Variants in RPS6KA2 observed in about 807,000 individuals in gnomAD.
RPS6KA2 encodes ribosomal protein S6 kinase A2, also known as ribosomal protein S6 kinase alpha-2.
A neutral mutation model predicts 91.8 loss-of-function variants in RPS6KA2; 42 were observed. The ratio of observed to expected loss-of-function variants is 0.46; its 90% CI spans 0.36 to 0.59. The LOEUF (loss-of-function observed/expected upper bound fraction) is 0.59. Ranked by LOEUF, RPS6KA2 falls within the 20% of genes least tolerant of loss-of-function variation. The pLI is 0.00. For synonymous variants in RPS6KA2, 414 were observed against 393.6 expected (o/e 1.05, Z -0.61); for missense variants, 798 against 978.5 (o/e 0.82, Z 2.46).
At position 166,533,802 on chromosome 6, in the gene RPS6KA2, G is replaced by A. The variant is rs1161950037; in HGVS notation, c.217-2489C>T. On this transcript the variant is annotated intron_variant, in intron 2 of 20. Transcript: ENST00000265678. The surrounding 1 kb of genome is among the most constrained non-coding windows in gnomAD (Gnocchi z 4.0). ...CATTCTTATAATCAGAAAACAAAGG[G>A]CCAGGTTCAGTGGCTCACACCTGTA... Among the ~76,000 whole-genome samples the A allele has an allele frequency of 6.6e-6, 1 of 152,182 alleles. No individual in the cohort carries two copies. Among genetic ancestry groups the A allele is most frequent in the East Asian group, 1.9e-4 (1 of 5,196 alleles).
rs906556452 is a variant in RPS6KA2 at position 166,662,486 on chromosome 6, A to G, written c.124-123702T>C. Among the ~76,000 whole-genome samples, 1 of 152,194 alleles carries G rather than the reference A, an allele frequency of 6.6e-6. No homozygotes were observed. Among genetic ancestry groups the G allele is most frequent in the Non-Finnish European group, 1.5e-5 (1 of 68,038 alleles). Reference sequence around the variant, plus strand: ...CTTGCAAATCCAATGCCTATGTTACAGGAGTGCAGTTTTATGTTTGGAAAG... The same window carrying G: ...CTTGCAAATCCAATGCCTATGTTACGGGAGTGCAGTTTTATGTTTGGAAAG... On this transcript the variant is annotated intron_variant, in intron 2 of 21. Transcript: ENST00000503859. The surrounding 1 kb of genome is among the most constrained non-coding windows in gnomAD (Gnocchi z 4.3).
intron 2 of RPS6KA2, among the ~76,000 whole-genome samples, chr6:166,744,190 C>T (rs947175919): frequency 6.6e-6 from 1 of 152,252 alleles, no homozygotes; most frequent in Non-Finnish European, 1.5e-5. Flanking sequence ...ATTCCATCCA[C>T]CGACCTGGAT....
At chr6:166,653,221 C>T (rs943240543) in intron 2 of RPS6KA2, among the ~76,000 whole-genome samples, 6 of 152,244 alleles carry the variant, frequency 3.9e-5, no homozygotes, top group Admixed American at 2.0e-4. Context: ...CCACCATGCC[C>T]GACTAATTTT....
chr6:166,586,175 G>A, intron 1 of RPS6KA2: 2 of 1,571,820 alleles, frequency 1.3e-6, no homozygotes, highest in South Asian at 1.1e-5. Context: ...CATATTGCTG[G>A]GGATAGTAAG....
rs1778289061 is a variant in RPS6KA2, at chr6:166,411,196, G to C, written c.*1566C>G. On this transcript the variant is annotated 3_prime_UTR_variant, in exon 21 of 21. Transcript: ENST00000265678. This position sits in a 1 kb window ranked among gnomAD's most constrained non-coding sequence, Gnocchi z 4.5. ...GACCAAGCTAAGGAGTTATTTTTCA[G>C]AACGCAGCACATTTTTTCTTTATTT... 6.6e-6 allele frequency: 1 copy of C among 151,646 alleles called. No homozygotes were observed. The highest frequency in any genetic ancestry group is 2.4e-5 in the African/African-American group (1 of 41,184). 9.4% of individuals were successfully genotyped at this position (151,646 alleles called of 1,614,324 possible).
At chr6:166,512,866 C>T (rs1431178730) in intron 3 of RPS6KA2, among the ~76,000 whole-genome samples, 2 of 152,188 alleles carry the variant, frequency 1.3e-5, no homozygotes, top group Admixed American at 1.3e-4. Flanking sequence ...ATTATATGCT[C>T]AGATCCCCTT....
intron 2 of RPS6KA2, among the ~76,000 whole-genome samples, chr6:166,655,411 T>C (rs919902352): frequency 6.6e-6 from 1 of 152,226 alleles, no homozygotes; most frequent in Non-Finnish European, 1.5e-5. Context: ...AATGATGTCA[T>C]GTGTGCAAAG....
At chr6:166,472,853 G>A (rs1780822418) in intron 10 of RPS6KA2, among the ~76,000 whole-genome samples, 1 of 152,168 alleles carries the variant, frequency 6.6e-6, no homozygotes, top group African/African-American at 2.4e-5. Flanking sequence ...TCTAGATCAT[G>A]AAGCACTGAC....
intron 2 of RPS6KA2, among the ~76,000 whole-genome samples, chr6:166,752,572 C>T (rs1008601022): frequency 2.0e-5 from 3 of 151,588 alleles, no homozygotes; most frequent in Non-Finnish European, 2.9e-5. Flanking sequence ...GATGATAGAC[C>T]CATAATGATG....
intron 2 of RPS6KA2, among the ~76,000 whole-genome samples, chr6:166,638,920 TAA>T (rs1787333844): frequency 6.6e-6 from 1 of 152,088 alleles, no homozygotes; most frequent in Middle Eastern, 3.2e-3. Context: ...TCTTAAAAAA[TAA>T]AGTCTATTTT....
At chr6:166,589,071 T>C (rs1341311260) in intron 1 of RPS6KA2, among the ~76,000 whole-genome samples, 1 of 152,194 alleles carries the variant, frequency 6.6e-6, no homozygotes, top group Non-Finnish European at 1.5e-5. Flanking sequence ...ATTAGTAACA[T>C]TGGGGTTGCC....
At chr6:166,858,190 G>A (rs758693628) in intron 2 of RPS6KA2, 2 of 1,471,816 alleles carry the variant, frequency 1.4e-6, no homozygotes, top group Non-Finnish European at 1.9e-6. Flanking sequence ...AATAAAACGT[G>A]TATAGTTACT....
At chr6:166,715,025 A>G (rs762611146) in intron 2 of RPS6KA2, among the ~76,000 whole-genome samples, 4 of 152,190 alleles carry the variant, frequency 2.6e-5, no homozygotes, top group Non-Finnish European at 4.4e-5. Flanking sequence ...CCCTCTCCAA[A>G]CACCAACACA....
At chr6:166,786,424 A>C (rs544635043) in intron 2 of RPS6KA2, among the ~76,000 whole-genome samples, 1 of 152,326 alleles carries the variant, frequency 6.6e-6, no homozygotes, top group Non-Finnish European at 1.5e-5. Flanking sequence ...ATGGGAGAAA[A>C]TGGTGACAAA....
chr6:166,449,827 G>C (rs80173269), intron 13 of RPS6KA2, among the ~76,000 whole-genome samples: 1 of 139,952 alleles, frequency 7.1e-6, no homozygotes, highest in Non-Finnish European at 1.6e-5. Context: ...AACCACCACA[G>C]GGACCACCAC....
At chr6:166,523,779 T>C (rs1007377036) in intron 3 of RPS6KA2, among the ~76,000 whole-genome samples, 3 of 152,234 alleles carry the variant, frequency 2.0e-5, no homozygotes, top group African/African-American at 7.2e-5. Flanking sequence ...CAGTGCCTTC[T>C]AACGAAGCAT....
chr6:166,470,059 C>T (rs1780705725), intron 10 of RPS6KA2, among the ~76,000 whole-genome samples, 154 bp from the exon 11 acceptor site: 1 of 152,216 alleles, frequency 6.6e-6, no homozygotes, highest in Non-Finnish European at 1.5e-5. Context: ...CACCTGCGCA[C>T]CTGCCGATGC....
chr6:166,619,391 T>C (rs1786542397), intron 1 of RPS6KA2, among the ~76,000 whole-genome samples: 1 of 152,256 alleles, frequency 6.6e-6, no homozygotes, highest in Non-Finnish European at 1.5e-5. Context: ...TTTGTCTGTG[T>C]TTCTTTCCTT....
At chr6:166,689,482 G>A (rs890236306) in intron 2 of RPS6KA2, among the ~76,000 whole-genome samples, 9 of 152,202 alleles carry the variant, frequency 5.9e-5, no homozygotes, top group African/African-American at 1.7e-4. Flanking sequence ...TAAGGATCCC[G>A]AGGAAAGTGT....
Sources: allele counts gnomAD v4.1 joint callset (sites outside exome capture counted in the v4.1 genomes callset), GRCh38; gene constraint gnomAD v4.1.1; non-coding constraint Gnocchi (gnomAD v3.1); transcripts MANE v1.5; gene names NCBI Gene and HGNC (gene_info 2026-07-23, HGNC 2026-07-21).